Variants in RP1 observed in about 807,000 individuals in gnomAD.
RP1 encodes the protein RP1 axonemal microtubule associated.
A neutral mutation model predicts 14.8 loss-of-function variants in RP1; 16 were observed. That is an observed-to-expected ratio of 1.08 (90% CI 0.73 to 1.65). The LOEUF is 1.65. Ranked by LOEUF, RP1 falls within the 40% of genes most tolerant of loss-of-function variation. The pLI, the probability that RP1 is intolerant of heterozygous loss-of-function variation, is 0.00. For missense variants in RP1, 2,631 were observed against 2,535.0 expected, an observed-to-expected ratio of 1.04 and a Z score of -0.81; for synonymous variants, 876 against 883.6, an observed-to-expected ratio of 0.99 and a Z score of 0.15.
At chr8:54,761,225 C>T (rs1214181231) in intron 22 of RP1, among the ~76,000 whole-genome samples, 1 of 147,370 alleles carries the variant, frequency 6.8e-6, no homozygotes, top group Non-Finnish European at 1.5e-5. Context: ...ATTTCTTGCG[C>T]TACCTTACTT....
chr8:54,830,322 T>A (rs555424186), intron 24 of RP1, among the ~76,000 whole-genome samples: 3 of 152,174 alleles, frequency 2.0e-5, no homozygotes, highest in Non-Finnish European at 4.4e-5. Flanking sequence ...GGGGTACATG[T>A]GCACAATGTG....
At chr8:54,689,960 C>T (rs1045108135) in intron 12 of RP1, among the ~76,000 whole-genome samples, 2 of 151,914 alleles carry the variant, frequency 1.3e-5, no homozygotes, top group African/African-American at 4.8e-5. Context: ...CTTCTTAAAT[C>T]TTCTTTGCAC....
intron 24 of RP1, among the ~76,000 whole-genome samples, chr8:54,812,434 C>T (rs1811020528): frequency 6.6e-6 from 1 of 152,206 alleles, no homozygotes; most frequent in African/African-American, 2.4e-5. Context: ...AGCCACTGTG[C>T]TTGGCCTTTG....
chr8:54,720,061 C>T (rs370421867), intron 15 of RP1: 26 of 1,226,028 alleles, frequency 2.1e-5, no homozygotes, highest in Middle Eastern at 1.9e-4. Flanking sequence ...TCTTTTAAAA[C>T]GACTGGTTTT....
At chr8:54,603,629 A>G (rs1356167540) in intron 1 of RP1, among the ~76,000 whole-genome samples, 1 of 152,206 alleles carries the variant, frequency 6.6e-6, no homozygotes, top group African/African-American at 2.4e-5. Context: ...TACCTTGAGC[A>G]GTGTGGCCAT....
intron 15 of RP1, among the ~76,000 whole-genome samples, chr8:54,715,118 A>G (rs7832268): frequency 0.93 from 141,472 of 152,358 alleles, 65,810 homozygotes; most frequent in East Asian, 1. Flanking sequence ...TTAAGTATGA[A>G]AAGTTAAAAT....
At chr8:54,751,919 A>C (rs1809381355) in intron 19 of RP1, among the ~76,000 whole-genome samples, 1 of 152,186 alleles carries the variant, frequency 6.6e-6, no homozygotes, top group Non-Finnish European at 1.5e-5. Flanking sequence ...GGTTGCACTT[A>C]AGTCAAATCA....
chr8:54,726,608 C>T (rs1808661057), intron 17 of RP1: 13 of 855,496 alleles, frequency 1.5e-5, no homozygotes, highest in Admixed American at 3.9e-5. Context: ...TGCTTGTAAG[C>T]TGTTATCTTG....
intron 1 of RP1, chr8:54,561,913 CAG>C (rs1426686357): frequency 6.6e-6 from 1 of 152,006 alleles, no homozygotes; most frequent in Non-Finnish European, 1.5e-5. Flanking sequence ...TATAGTAAAA[CAG>C]AAATGAAAAT....
intron 22 of RP1, among the ~76,000 whole-genome samples, chr8:54,766,029 G>T (rs1027877756): frequency 6.6e-6 from 1 of 152,044 alleles, no homozygotes; most frequent in Non-Finnish European, 1.5e-5. Context: ...AGGAGGGAGG[G>T]GGGTAAGGAC....
intron 19 of RP1, among the ~76,000 whole-genome samples, chr8:54,741,294 C>T (rs1434185941): frequency 6.6e-6 from 1 of 152,146 alleles, no homozygotes; most frequent in African/African-American, 2.4e-5. Flanking sequence ...ACCACTTACT[C>T]ACTGACTCAC....
intron 6 of RP1, among the ~76,000 whole-genome samples, chr8:54,660,562 G>A (rs919212824): frequency 4.6e-5 from 7 of 152,066 alleles, no homozygotes; most frequent in African/African-American, 1.7e-4. Flanking sequence ...GGTAGGAGGG[G>A]GAGCTTCAGC....
downstream of RP1, among the ~76,000 whole-genome samples, chr8:54,634,502 G>A (rs1806310812): frequency 1.5e-5 from 2 of 134,376 alleles, no homozygotes; most frequent in East Asian, 3.9e-4. Flanking sequence ...ATAACCCCAA[G>A]AGGGCTTGAT....
chr8:54,681,223 C>A (rs1323452906), intron 12 of RP1, among the ~76,000 whole-genome samples: 1 of 152,008 alleles, frequency 6.6e-6, no homozygotes, highest in African/African-American at 2.4e-5. Context: ...ATTGTTAAAT[C>A]AGAAACAGTG....
chr8:54,669,772 C>T (rs1807106769), intron 7 of RP1, among the ~76,000 whole-genome samples: 1 of 149,820 alleles, frequency 6.7e-6, no homozygotes, highest in Non-Finnish European at 1.5e-5. Context: ...CAAACTATCA[C>T]AAGGACAGAA....
intron 25 of RP1, among the ~76,000 whole-genome samples, chr8:54,845,416 A>G (rs963064996): frequency 6.6e-6 from 1 of 152,114 alleles, no homozygotes; most frequent in African/African-American, 2.4e-5. Flanking sequence ...GGAGCTGGGG[A>G]TTCTAACCTG....
chr8:54,619,843 C>T (rs1805812665), intron 1 of RP1, among the ~76,000 whole-genome samples: 1 of 152,214 alleles, frequency 6.6e-6, no homozygotes, highest in Non-Finnish European at 1.5e-5. Flanking sequence ...CTTAAGATGG[C>T]TCTTACTTAA....
In RP1 at chr8:54,628,048, C is replaced by G; in HGVS notation, c.4166C>G (p.Ser1389Ter). The change falls in exon 4 of 4, where the codon TCA becomes TGA. Residue 1389 changes from serine (S) to a stop codon, truncating the protein, a stop_gained. Coordinates refer to ENST00000220676, the MANE Select transcript of RP1 (RefSeq NM_006269.2). LOFTEE classifies it low-confidence loss of function (END_TRUNC). ...AAAAATGGATTTAATACATTGGTGTCACATCAAAATGTCAGTAATTTAAGC... is the reference window on the plus strand; with the variant it reads ...AAAAATGGATTTAATACATTGGTGTGACATCAAAATGTCAGTAATTTAAGC... Reference protein sequence around the residue: ...EYKNGFNTLVSHQNVSNLSSC... With the variant: ...EYKNGFNTLV 6.2e-7 allele frequency: 1 copy of G among 1,613,978 alleles called. No individual in the cohort carries two copies. The highest frequency in any genetic ancestry group is 8.5e-7 in the Non-Finnish European group (1 of 1,179,946).
chr8:54,685,649 C>A (rs777173510), intron 12 of RP1, among the ~76,000 whole-genome samples: 5 of 152,112 alleles, frequency 3.3e-5, no homozygotes, highest in African/African-American at 9.7e-5. Context: ...CATGAACTTT[C>A]TTAAAACATG....
Sources: gnomAD v4.1 joint callset for allele counts (sites outside exome capture counted in the v4.1 genomes callset) on GRCh38, gnomAD v4.1.1 for gene constraint, MANE v1.5 for transcripts, NCBI Gene and HGNC (gene_info 2026-07-23, HGNC 2026-07-21) for gene names.